Variants in SH3PXD2A observed in about 807,000 individuals in gnomAD.
SH3PXD2A encodes the protein SH3 and PX domain-containing protein 2A.
Under a neutral mutation model 115.2 loss-of-function variants are expected in SH3PXD2A, and 32 were observed. The observed-to-expected ratio is 0.28, with a 90% CI of 0.21 to 0.37. The LOEUF (loss-of-function observed/expected upper bound fraction) is 0.37. Among genes scored for constraint, SH3PXD2A ranks in the 10% least tolerant of loss-of-function variants. The pLI is 1.00. For missense variants in SH3PXD2A, 1,328 were observed against 1,498.7 expected (o/e 0.89, Z 1.88); for synonymous variants, 610 against 629.1 (o/e 0.97, Z 0.45).
At chr10:103,606,432 TAAAAAAAAAAA>T (rs533450822) in intron 13 of SH3PXD2A, among the ~76,000 whole-genome samples, 61 of 8,156 alleles carry the variant, frequency 7.5e-3, no homozygotes, top group African/African-American at 0.028. Flanking sequence ...AAGAATTTGC[TAAAAAAAAAAA>T]AAAAAAAAAA....
chr10:103,595,656 C>T lies in SH3PXD2A; in HGVS notation c.*6160G>A, dbSNP rs186908784. ...GGCGGGGACCTTCAGTGCAGGGGAC[C>T]CCATTCTCTAAGGCCACTGAGTTCT... On this transcript the variant is annotated 3_prime_UTR_variant, in exon 15 of 15. Coordinates refer to ENST00000369774, the MANE Select transcript of SH3PXD2A (RefSeq NM_001394015.1). 1 of 152,408 alleles carries T rather than the reference C, an allele frequency of 6.6e-6. No homozygotes were observed. Among genetic ancestry groups the T allele is most frequent in the Non-Finnish European group, 1.5e-5 (1 of 68,082 alleles). 9.4% of individuals were successfully genotyped at this position (152,408 alleles called of 1,614,324 possible).
intron 8 of SH3PXD2A, among the ~76,000 whole-genome samples, chr10:103,646,490 C>T (rs2037038481): frequency 6.6e-6 from 1 of 152,122 alleles, no homozygotes; most frequent in Non-Finnish European, 1.5e-5. Flanking sequence ...CCATGAGTAC[C>T]AGTGAGTGAT....
intron 4 of SH3PXD2A, among the ~76,000 whole-genome samples, chr10:103,726,308 C>T (rs2038240670): frequency 6.6e-6 from 1 of 152,150 alleles, no homozygotes; most frequent in South Asian, 2.1e-4. Flanking sequence ...GGCTCCTGGG[C>T]CAAGTACAGT....
intron 5 of SH3PXD2A, among the ~76,000 whole-genome samples, chr10:103,701,528 ATCC>A (rs2037905047): frequency 6.9e-6 from 1 of 145,388 alleles, no homozygotes; most frequent in Non-Finnish European, 1.5e-5. Flanking sequence ...TCATCCATCC[ATCC>A]ACCATCCATC....
At chr10:103,797,247 A>T (rs2039100626) in intron 2 of SH3PXD2A, among the ~76,000 whole-genome samples, 2 of 152,146 alleles carry the variant, frequency 1.3e-5, no homozygotes. Flanking sequence ...TGGCAACCCT[A>T]ATCCAAGACC....
chr10:103,612,455 T>G (rs1211929605), intron 12 of SH3PXD2A, among the ~76,000 whole-genome samples: 1 of 152,122 alleles, frequency 6.6e-6, no homozygotes, highest in African/African-American at 2.4e-5. Context: ...GGGAAATGTG[T>G]TTTTTTGATT....
At chr10:103,711,598 G>A (rs965649051) in intron 5 of SH3PXD2A, among the ~76,000 whole-genome samples, 1 of 152,194 alleles carries the variant, frequency 6.6e-6, no homozygotes, top group African/African-American at 2.4e-5. Context: ...TCTGTGCAAG[G>A]GCAGCGTAGC....
intron 5 of SH3PXD2A, among the ~76,000 whole-genome samples, chr10:103,719,571 C>G (rs2038152794): frequency 6.6e-6 from 1 of 152,096 alleles, no homozygotes; most frequent in Admixed American, 6.5e-5. Flanking sequence ...CAGCTGTGAA[C>G]AGAACAAAGA....
intron 8 of SH3PXD2A, among the ~76,000 whole-genome samples, chr10:103,659,512 C>T (rs904295633): frequency 6.6e-6 from 1 of 152,188 alleles, no homozygotes; most frequent in Non-Finnish European, 1.5e-5. Context: ...GCCAGACCCC[C>T]ATGACATTGC....
intron 2 of SH3PXD2A, among the ~76,000 whole-genome samples, chr10:103,796,130 C>T (rs772729583): frequency 3.3e-5 from 5 of 151,514 alleles, no homozygotes; most frequent in African/African-American, 9.7e-5. Context: ...AAGACCGAGG[C>T]GGAAGGATAC....
chr10:103,609,793 AG>A (rs1447792478), intron 13 of SH3PXD2A: 1 of 152,194 alleles, frequency 6.6e-6, no homozygotes, highest in African/African-American at 2.4e-5. Flanking sequence ...AAAAGGTGGG[AG>A]GGATGAGGGG....
intron 11 of SH3PXD2A, among the ~76,000 whole-genome samples, chr10:103,615,932 A>G (rs1396946809): frequency 6.6e-6 from 1 of 151,604 alleles, no homozygotes; most frequent in African/African-American, 2.4e-5. Context: ...GGCTTTGGAC[A>G]ATACACATCC....
chr10:103,738,833 T>C (rs1236534013), intron 3 of SH3PXD2A, among the ~76,000 whole-genome samples: 1 of 151,900 alleles, frequency 6.6e-6, no homozygotes, highest in Non-Finnish European at 1.5e-5. Flanking sequence ...TCACTTTTGT[T>C]GTCCAGGCTG....
chr10:103,599,558 T>G lies in SH3PXD2A; in HGVS notation c.*2258A>C. On this transcript the variant is annotated 3_prime_UTR_variant, in exon 15 of 15. Transcript: ENST00000369774. ...TTATTTTAAATAGTCATAAATTACT[T>G]TTTTTCTCTTAATAAATATGTGCTG... 1 of 152,648 alleles carries G rather than the reference T, an allele frequency of 6.6e-6. No individual in the cohort carries two copies. The highest frequency in any genetic ancestry group is 1.5e-5 in the Non-Finnish European group (1 of 68,026). 9.5% of individuals were successfully genotyped at this position (152,648 alleles called of 1,614,324 possible).
At chr10:103,853,871 G>A (rs1842917390) in intron 1 of SH3PXD2A, among the ~76,000 whole-genome samples, 1 of 152,192 alleles carries the variant, frequency 6.6e-6, no homozygotes, top group South Asian at 2.1e-4. Context: ...TTGACCACCT[G>A]GTGACCCAAG....
At chr10:103,779,369 C>T (rs373877227) in intron 2 of SH3PXD2A, among the ~76,000 whole-genome samples, 3 of 152,184 alleles carry the variant, frequency 2.0e-5, no homozygotes, top group African/African-American at 2.4e-5. Context: ...GGGAGCTACA[C>T]CCCAGCATCC....
At chr10:103,640,032 C>G (rs958906810) in intron 8 of SH3PXD2A, among the ~76,000 whole-genome samples, 1 of 152,132 alleles carries the variant, frequency 6.6e-6, no homozygotes, top group African/African-American at 2.4e-5. Flanking sequence ...AGGGCTAAGT[C>G]GGCCAGGCAC....
At chr10:103,834,942 T>C (rs1445834318) in intron 1 of SH3PXD2A, among the ~76,000 whole-genome samples, 2 of 152,194 alleles carry the variant, frequency 1.3e-5, no homozygotes, top group South Asian at 2.1e-4. Context: ...TTCACACTTA[T>C]CTTAATAGTT....
At chr10:103,702,629 G>A (rs1389033365) in intron 5 of SH3PXD2A, among the ~76,000 whole-genome samples, 1 of 137,296 alleles carries the variant, frequency 7.3e-6, no homozygotes, top group Non-Finnish European at 1.6e-5. Context: ...TGGGTGCGGA[G>A]GGCAAGAAGG....
Sources: gnomAD v4.1 joint callset for allele counts (sites outside exome capture counted in the v4.1 genomes callset) on GRCh38, gnomAD v4.1.1 for gene constraint, MANE v1.5 for transcripts, NCBI Gene and HGNC (gene_info 2026-07-23, HGNC 2026-07-21) for gene names.